The following FAT3 variants were observed in gnomAD, a reference collection of about 807,000 sequenced individuals.
FAT3 encodes the protein protocadherin Fat 3.
In FAT3, 95 loss-of-function variants were observed where a neutral mutation model predicts 310.2. The ratio of observed to expected loss-of-function variants is 0.31; its 90% CI spans 0.26 to 0.36. The LOEUF (loss-of-function observed/expected upper bound fraction) is 0.36, where lower values mean the gene tolerates loss of function less well. FAT3 is among the 10% of genes least tolerant of loss of function. The probability of loss-of-function intolerance (pLI) is 1.00; values close to 1 mark genes in which losing one functional copy is unlikely to be tolerated. For missense variants in FAT3, 5,408 were observed against 5,715.6 expected (o/e 0.95, Z 1.74); for synonymous variants, 2,314 against 2,192.9 (o/e 1.06, Z -1.54).
At chr11:92,421,864 C>T (rs1424633156) in intron 2 of FAT3, among the ~76,000 whole-genome samples, 1 of 152,178 alleles carries the variant, frequency 6.6e-6, no homozygotes, top group Non-Finnish European at 1.5e-5. Context: ...CTCATAGCTC[C>T]TCCTGATGCT....
chr11:92,568,615 C>T (rs113712324), intron 3 of FAT3, among the ~76,000 whole-genome samples: 2 of 152,136 alleles, frequency 1.3e-5, no homozygotes, highest in African/African-American at 2.4e-5. Flanking sequence ...CCTTGAATGT[C>T]ATTCCATTGC....
intron 1 of FAT3, among the ~76,000 whole-genome samples, chr11:92,332,207 C>A (rs933329272): frequency 6.6e-6 from 1 of 152,168 alleles, no homozygotes; most frequent in Non-Finnish European, 1.5e-5. Context: ...GTCACTGATT[C>A]TTTCTCAGAC....
chr11:92,878,508 A>G (rs368469073), intron 22 of FAT3, among the ~76,000 whole-genome samples: 1 of 151,550 alleles, frequency 6.6e-6, no homozygotes, highest in East Asian at 1.9e-4. Context: ...AGACCAAAAC[A>G]AAGAAACAGA....
At chr11:92,817,776 C>T (rs1015093541) in intron 13 of FAT3, among the ~76,000 whole-genome samples, 6 of 152,192 alleles carry the variant, frequency 3.9e-5, no homozygotes, top group Non-Finnish European at 8.8e-5. Flanking sequence ...TGACCACTAA[C>T]GATTGTTAGA....
intron 3 of FAT3, among the ~76,000 whole-genome samples, chr11:92,583,085 T>C (rs376662917): frequency 1.1e-4 from 14 of 129,772 alleles, no homozygotes; most frequent in Non-Finnish European, 2.0e-4. Context: ...AATATTTTTT[T>C]CAAAAAAAAA....
At chr11:92,520,800 T>C (rs1783995116) in intron 2 of FAT3, among the ~76,000 whole-genome samples, 1 of 152,142 alleles carries the variant, frequency 6.6e-6, no homozygotes, top group South Asian at 2.1e-4. Context: ...TTTTGGATCA[T>C]AAAATTGACA....
At chr11:92,538,115 G>T (rs1954320146) in intron 3 of FAT3, among the ~76,000 whole-genome samples, 1 of 152,108 alleles carries the variant, frequency 6.6e-6, no homozygotes, top group South Asian at 2.1e-4. Flanking sequence ...TTTATTAATA[G>T]TTCTTAGATG....
At chr11:92,373,168 TCTC>T (rs939682513) in intron 2 of FAT3, among the ~76,000 whole-genome samples, 2 of 152,162 alleles carry the variant, frequency 1.3e-5, no homozygotes, top group African/African-American at 4.8e-5. Flanking sequence ...TCCTCTACCT[TCTC>T]CTCTTCCTTA....
In FAT3 at chr11:92,226,064, G is replaced by A. The variant is rs533310202; in HGVS notation, c.-18+890G>A. On this transcript the variant is annotated intron_variant, in intron 1 of 27. Coordinates refer to ENST00000525166, the MANE Select transcript of FAT3 (RefSeq NM_001367949.2). ...CAGGCCCCACTCCCGGGCGGTTCGG[G>A]ACGAATCCCCTCTACAGGCCAGTGT... Among the ~76,000 whole-genome samples the A allele has an allele frequency of 7.9e-5, 12 of 152,274 alleles. No homozygotes were observed. In the South Asian group the frequency reaches 2.1e-3, roughly 26 times the overall value.
chr11:92,718,766 G>T (rs1379627473), intron 4 of FAT3, among the ~76,000 whole-genome samples: 1 of 152,100 alleles, frequency 6.6e-6, no homozygotes, highest in African/African-American at 2.4e-5. Flanking sequence ...ATATATGAAT[G>T]AATTTCTACA....
rs534499706 is a variant in FAT3, at chr11:92,702,718, T to C, written c.3669+5273T>C. Among the ~76,000 whole-genome samples, 360 of 152,352 alleles carry C rather than the reference T, an allele frequency of 2.4e-3. 1 individual carries two copies. The highest frequency in any genetic ancestry group is 2.7e-3 in the Non-Finnish European group (187 of 68,036). On this transcript the variant is annotated intron_variant, in intron 4 of 27. Coordinates refer to ENST00000525166, the MANE Select transcript of FAT3 (RefSeq NM_001367949.2). The stretch of plus-strand genomic sequence containing the variant: ...ACTTAAATAATCCTATAGTCCTGGC[T>C]TAATTATGTGTGAATCTTTATCTTG...
At position 92,713,308 on chromosome 11, in the gene FAT3, T is replaced by C. The variant is rs1295874252; in HGVS notation, c.3669+15863T>C. ...TCTCCTTGATTGTCATGCATTTCAA[T>C]GGCATCCAGATGTTCTATTATTTTA... is the stretch of plus-strand genomic sequence containing the variant. On this transcript the variant is annotated intron_variant, in intron 4 of 27. Coordinates refer to ENST00000525166, the MANE Select transcript of FAT3 (RefSeq NM_001367949.2). 5.9e-5 allele frequency among the ~76,000 whole-genome samples: 9 copies of C among 152,246 alleles called. No homozygotes were observed. In the East Asian group the frequency reaches 1.7e-3, roughly 29 times the overall value.
chr11:92,282,837 A>T (rs554260838), intron 1 of FAT3, among the ~76,000 whole-genome samples: 3 of 152,236 alleles, frequency 2.0e-5, no homozygotes, highest in Non-Finnish European at 4.4e-5. Flanking sequence ...TTGTTTACTT[A>T]TATCACCAAT....
At chr11:92,595,639 A>G (rs550321912) in intron 3 of FAT3, among the ~76,000 whole-genome samples, 1 of 152,352 alleles carries the variant, frequency 6.6e-6, no homozygotes, top group South Asian at 2.1e-4. Flanking sequence ...AGTCCTTTAT[A>G]AAGGCAAGCT....
intron 5 of FAT3, among the ~76,000 whole-genome samples, chr11:92,764,364 C>G (rs1946248629): frequency 6.6e-6 from 1 of 152,172 alleles, no homozygotes; most frequent in African/African-American, 2.4e-5. Flanking sequence ...TGCTATCAAT[C>G]ACATATAGCA....
At chr11:92,692,584 G>T (rs1040841046) in intron 3 of FAT3, among the ~76,000 whole-genome samples, 6 of 152,170 alleles carry the variant, frequency 3.9e-5, no homozygotes, top group African/African-American at 1.4e-4. Flanking sequence ...AGATTCAGAT[G>T]ATAAATGAAT....
rs759570656 is a variant in FAT3, at chr11:92,353,453, G to A, written c.1341G>A (p.Val447=). The A allele has an allele frequency of 2.5e-6, 4 of 1,613,388 alleles. No individual in the cohort carries two copies. The African/African-American group carries it at 5.3e-5, about 22-fold the overall frequency. The change falls in exon 2 of 28, where the codon GTG becomes GTA. Residue 447 remains valine (V), a synonymous_variant. Coordinates refer to ENST00000525166, the MANE Select transcript of FAT3 (RefSeq NM_001367949.2). ...TVKKEVYKLE[V]TNKEGDLKAQ... ...AGAAGGAGGTTTATAAACTGGAGGT[G>A]ACAAACAAGGAAGGAGATTTAAAAG...
intron 2 of FAT3, among the ~76,000 whole-genome samples, chr11:92,446,075 A>C (rs930192146): frequency 2.0e-5 from 3 of 152,196 alleles, no homozygotes; most frequent in Admixed American, 2.0e-4. Flanking sequence ...TGTGCAGTCA[A>C]ATATATATGC....
intron 2 of FAT3, among the ~76,000 whole-genome samples, chr11:92,411,056 T>TAA (rs1314684898): frequency 6.3e-5 from 9 of 143,232 alleles, no homozygotes; most frequent in African/African-American, 2.1e-4. Flanking sequence ...ATAATATATA[T>TAA]ATAAATATAT....
Sources: gnomAD v4.1 joint callset for allele counts (sites outside exome capture counted in the v4.1 genomes callset) on GRCh38, gnomAD v4.1.1 for gene constraint, MANE v1.5 for transcripts, NCBI Gene and HGNC (gene_info 2026-07-23, HGNC 2026-07-21) for gene names.